Variants in ZNF148 observed in about 807,000 individuals in gnomAD.
The protein encoded by ZNF148 is zinc finger protein 148, also known as Beta-Enolase Repressor Factor-1.
Under a neutral mutation model 67.7 loss-of-function variants are expected in ZNF148, and 7 were observed. The ratio of observed to expected loss-of-function variants is 0.10; its 90% CI spans 0.06 to 0.19. The LOEUF is 0.19. Among genes scored for constraint, ZNF148 ranks in the 10% least tolerant of loss-of-function variants. ZNF148 has a pLI of 1.00. For missense variants in ZNF148, 583 were observed against 947.1 expected, an observed-to-expected ratio of 0.62 and a Z score of 5.05; for synonymous variants, 333 against 330.7, an observed-to-expected ratio of 1.01 and a Z score of -0.08.
intron 4 of ZNF148, among the ~76,000 whole-genome samples, chr3:125,312,405 C>T (rs1171994666): frequency 2.6e-5 from 4 of 152,192 alleles, no homozygotes; most frequent in Non-Finnish European, 1.5e-5. Flanking sequence ...CGCTCATTCA[C>T]ACCATGTGCC....
At chr3:125,261,620 C>T (rs147858254) in intron 7 of ZNF148, among the ~76,000 whole-genome samples, 61 of 152,068 alleles carry the variant, frequency 4.0e-4, no homozygotes, top group African/African-American at 1.5e-3. Context: ...CTGTTGAAAC[C>T]TAAGTACTAA....
At chr3:125,341,597 GA>G (rs932445765) in intron 1 of ZNF148, among the ~76,000 whole-genome samples, 1 of 150,498 alleles carries the variant, frequency 6.6e-6, no homozygotes, top group South Asian at 2.1e-4. Flanking sequence ...CTACTGCCTA[GA>G]AAAAAAAGTA....
chr3:125,324,798 T>C (rs1039819661), intron 2 of ZNF148, among the ~76,000 whole-genome samples: 1 of 152,238 alleles, frequency 6.6e-6, no homozygotes, highest in African/African-American at 2.4e-5. Context: ...TAATTCATTT[T>C]TTAAAAAACA....
chr3:125,338,041 C>T (rs1482302939), intron 1 of ZNF148, among the ~76,000 whole-genome samples: 2 of 151,952 alleles, frequency 1.3e-5, no homozygotes. Context: ...GAGTTTGAGG[C>T]TGCAGTGAGC....
At chr3:125,359,121 G>A (rs953213123) in intron 1 of ZNF148, among the ~76,000 whole-genome samples, 2 of 152,228 alleles carry the variant, frequency 1.3e-5, no homozygotes, top group Non-Finnish European at 2.9e-5. Flanking sequence ...AGGCAGGGCT[G>A]CTACATGATG....
intron 4 of ZNF148, among the ~76,000 whole-genome samples, chr3:125,288,752 G>A (rs1938845028): frequency 6.6e-6 from 1 of 152,082 alleles, no homozygotes; most frequent in African/African-American, 2.4e-5. Flanking sequence ...TTATCTTCAT[G>A]CTCAACAGTT....
chr3:125,313,584 T>G lies in ZNF148; in HGVS notation c.57A>C (p.Glu19Asp). 1 of 1,614,166 alleles carries G rather than the reference T, an allele frequency of 6.2e-7. No individual in the cohort carries two copies. The highest frequency in any genetic ancestry group is 8.5e-7 in the Non-Finnish European group (1 of 1,180,002). Residue 19 changes from glutamate (E) to aspartate (D), a missense_variant, in exon 4 of 9, where the codon GAA becomes GAC. Glu to Asp is a conservative substitution (Grantham distance 45, BLOSUM62 2). Transcript: ENST00000360647. ...CAACCATTGTCCTGGAAGACTGCAT[T>G]TCGTCTATGCCGCCACATTTAAGAA... ...GLFLKCGGID[E>D]MQSSRTMVVM...
intron 3 of ZNF148, among the ~76,000 whole-genome samples, chr3:125,316,019 G>C (rs1190275222): frequency 6.6e-6 from 1 of 151,934 alleles, no homozygotes; most frequent in Non-Finnish European, 1.5e-5. Flanking sequence ...TCAGCCTCTA[G>C]TAACTATCCC....
intron 7 of ZNF148, among the ~76,000 whole-genome samples, chr3:125,248,383 T>C (rs1353182061): frequency 6.6e-6 from 1 of 152,222 alleles, no homozygotes; most frequent in Non-Finnish European, 1.5e-5. Flanking sequence ...GAAGGCTACA[T>C]TAAGCCCATA....
intron 3 of ZNF148, among the ~76,000 whole-genome samples, chr3:125,317,660 T>TAGAGAGAGAGAGAGAGAGAGAG (rs66600598): frequency 6.4e-3 from 396 of 62,044 alleles, no homozygotes; most frequent in Middle Eastern, 0.01. Context: ...TATATATATA[T>TAGAGAGAGAGAGAGAGAGAGAG]ATAGAGAGAG....
At chr3:125,362,218 A>C (rs1025463251) in intron 1 of ZNF148, among the ~76,000 whole-genome samples, 3 of 152,220 alleles carry the variant, frequency 2.0e-5, no homozygotes, top group Admixed American at 2.0e-4. Flanking sequence ...AATTCCAACA[A>C]ATACTCGAAC....
At chr3:125,234,757 A>C (rs1045178246) in intron 7 of ZNF148, among the ~76,000 whole-genome samples, 2 of 152,246 alleles carry the variant, frequency 1.3e-5, no homozygotes, top group Admixed American at 1.3e-4. Context: ...ATTTGTGGTT[A>C]AATAAAATCT....
chr3:125,310,491 T>C (rs1271600515), intron 4 of ZNF148, among the ~76,000 whole-genome samples: 3 of 152,128 alleles, frequency 2.0e-5, no homozygotes, highest in African/African-American at 7.2e-5. Flanking sequence ...GGAAAATTTA[T>C]AGTATGAATG....
chr3:125,298,346 TACACACACAC>T (rs141809192), intron 4 of ZNF148, among the ~76,000 whole-genome samples: 1 of 145,654 alleles, frequency 6.9e-6, no homozygotes, highest in East Asian at 2.0e-4. Flanking sequence ...TAAATGTGCA[TACACACACAC>T]ACACACACAC....
chr3:125,258,162 C>T (rs970393781), intron 7 of ZNF148, among the ~76,000 whole-genome samples: 2 of 151,926 alleles, frequency 1.3e-5, no homozygotes, highest in African/African-American at 4.8e-5. Flanking sequence ...GTGGCTCACG[C>T]CTGTAATCCC....
intron 3 of ZNF148, chr3:125,315,191 C>T (rs2107677883): frequency 6.6e-6 from 1 of 152,212 alleles, no homozygotes; most frequent in East Asian, 1.9e-4. Flanking sequence ...TCTCTTAATG[C>T]TAAAATTTCA....
intron 5 of ZNF148, among the ~76,000 whole-genome samples, chr3:125,279,756 A>AT (rs1392468133): frequency 6.6e-6 from 1 of 151,864 alleles, no homozygotes; most frequent in African/African-American, 2.4e-5. Context: ...GTTAAAAAAA[A>AT]AAAAGGCAAA....
intron 5 of ZNF148, among the ~76,000 whole-genome samples, chr3:125,280,631 T>C (rs1392136194): frequency 6.8e-6 from 1 of 148,070 alleles, no homozygotes; most frequent in Non-Finnish European, 1.5e-5. Flanking sequence ...CAATGAGCCA[T>C]CATCATGCCA....
chr3:125,292,034 A>G (rs1939044795), intron 4 of ZNF148, among the ~76,000 whole-genome samples: 1 of 152,188 alleles, frequency 6.6e-6, no homozygotes, highest in South Asian at 2.1e-4. Flanking sequence ...GAGTCCAGAA[A>G]AGGAGAAATT....
Sources: allele counts gnomAD v4.1 joint callset (sites outside exome capture counted in the v4.1 genomes callset), GRCh38; gene constraint gnomAD v4.1.1; transcripts MANE v1.5; gene names NCBI Gene and HGNC (gene_info 2026-07-23, HGNC 2026-07-21).